TRIM2: variants seen among roughly 807,000 people sequenced by gnomAD.
TRIM2 encodes the protein tripartite motif-containing protein 2.
Under a neutral mutation model 75.2 loss-of-function variants are expected in TRIM2, and 20 were observed. The ratio of observed to expected loss-of-function variants is 0.27; its 90% CI spans 0.19 to 0.39. TRIM2 has a LOEUF of 0.39. Among genes scored for constraint, TRIM2 ranks in the 10% least tolerant of loss-of-function variants. The pLI is 1.00. For missense variants in TRIM2, 660 were observed against 990.8 expected, an observed-to-expected ratio of 0.67 and a Z score of 4.48; for synonymous variants, 373 against 388.3, an observed-to-expected ratio of 0.96 and a Z score of 0.46.
chr4:153,183,235 G>C (rs1052037998), intron 1 of TRIM2, among the ~76,000 whole-genome samples: 1 of 152,222 alleles, frequency 6.6e-6, no homozygotes, highest in African/African-American at 2.4e-5. Flanking sequence ...GCACTGGGCA[G>C]TGATGCATGG....
At chr4:153,303,239 G>A (rs1170057037) in intron 6 of TRIM2, among the ~76,000 whole-genome samples, 5 of 151,858 alleles carry the variant, frequency 3.3e-5, no homozygotes, top group Non-Finnish European at 5.9e-5. Flanking sequence ...TGTGGCGGGC[G>A]GACCACCTGA....
chr4:153,327,903 T>C lies in TRIM2; in HGVS notation c.2023-627T>C, dbSNP rs1036768939. 5.9e-5 allele frequency among the ~76,000 whole-genome samples: 9 copies of C among 152,314 alleles called. No homozygotes were observed. In the East Asian group the frequency reaches 9.6e-4, roughly 16 times the overall value. ...TATTCATCAAAGCCTTAGGATCATA[T>C]AAACTCTCGAACTAAAATATCTTCT... On this transcript the variant is annotated intron_variant, in intron 10 of 11. Transcript: ENST00000338700.
chr4:153,252,307 C>G (rs1179997216), intron 1 of TRIM2, among the ~76,000 whole-genome samples: 1 of 152,150 alleles, frequency 6.6e-6, no homozygotes, highest in African/African-American at 2.4e-5. Flanking sequence ...TGTTCCTGTT[C>G]TTGCACATCC....
chr4:153,296,663 C>T (rs903016490), intron 6 of TRIM2, among the ~76,000 whole-genome samples: 1 of 152,168 alleles, frequency 6.6e-6, no homozygotes, highest in Non-Finnish European at 1.5e-5. Context: ...AGAAGGTACC[C>T]GATGAGCCAA....
At position 153,240,533 on chromosome 4, in the gene TRIM2, G is replaced by T. The variant is rs138391324; in HGVS notation, c.31-29802G>T. 4.7e-3 allele frequency among the ~76,000 whole-genome samples: 718 copies of T among 152,256 alleles called. 4 individuals are homozygous for T. The highest frequency in any genetic ancestry group is 7.6e-3 in the Non-Finnish European group (517 of 68,016). ...TGAAAGGACTTAGTTTAGGGTAAAT[G>T]GTGTCTTTTCCTACACTGCTTCTAT... On this transcript the variant is annotated intron_variant, in intron 1 of 11. Coordinates refer to ENST00000338700, the MANE Select transcript of TRIM2 (RefSeq NM_015271.5).
chr4:153,337,828 G>C lies in TRIM2; in HGVS notation c.*2862G>C. ...AAAATTACTCATTCAAATTTCCCCT[G>C]GGCACGTAAGGCAAAATATTGCCGG... On this transcript the variant is annotated 3_prime_UTR_variant, in exon 12 of 12. Transcript: ENST00000338700. 1 of 985,722 alleles carries C rather than the reference G, an allele frequency of 1.0e-6. No homozygotes were observed. Among genetic ancestry groups the C allele is most frequent in the Non-Finnish European group, 1.2e-6 (1 of 829,920 alleles). 61.1% of individuals were successfully genotyped at this position (985,722 alleles called of 1,614,324 possible).
chr4:153,325,766 G>A (rs1175009923), intron 10 of TRIM2, among the ~76,000 whole-genome samples: 1 of 152,176 alleles, frequency 6.6e-6, no homozygotes, highest in Non-Finnish European at 1.5e-5. Flanking sequence ...TAATCAAGTG[G>A]CTCTTTTCTA....
Position 153,335,183 on chromosome 4 carries a change from A to G in TRIM2, c.*217A>G, listed in dbSNP as rs1772312474. The stretch of plus-strand genomic sequence containing the variant: ...TAAAAAAAACTCTTCTACTGAATCT[A>G]TAAAAACTGCAGTTTTACATCTGTG... On this transcript the variant is annotated 3_prime_UTR_variant, in exon 12 of 12. Coordinates refer to ENST00000338700, the MANE Select transcript of TRIM2 (RefSeq NM_015271.5). 3 of 1,240,256 alleles carry G rather than the reference A, an allele frequency of 2.4e-6. No homozygotes were observed. Among genetic ancestry groups the G allele is most frequent in the Non-Finnish European group, 3.0e-6 (3 of 989,476 alleles). 76.8% of individuals were successfully genotyped at this position (1,240,256 alleles called of 1,614,324 possible). A position where few individuals can be genotyped will look rare whatever the true frequency, so the allele number is the denominator to read the frequency against.
chr4:153,321,352 T>G (rs889476022), intron 8 of TRIM2, among the ~76,000 whole-genome samples: 2 of 152,124 alleles, frequency 1.3e-5, no homozygotes, highest in Non-Finnish European at 2.9e-5. Context: ...AGTGAATGAG[T>G]GAAGCACTTC....
intron 1 of TRIM2, among the ~76,000 whole-genome samples, chr4:153,167,874 T>C (rs36063023): frequency 0.43 from 65,971 of 152,082 alleles, 15,701 homozygotes; most frequent in Non-Finnish European, 0.55. Context: ...AAAGTGATCC[T>C]GAATCCCTCT....
rs571808957 is a variant in TRIM2 at position 153,186,675 on chromosome 4, C to T, written c.-49+33405C>T. 8.5e-5 allele frequency among the ~76,000 whole-genome samples: 13 copies of T among 152,304 alleles called. No individual in the cohort carries two copies. The South Asian group carries it at 1.0e-3, about 12-fold the overall frequency. On this transcript the variant is annotated intron_variant, in intron 1 of 11. Transcript: ENST00000437508. The stretch of plus-strand genomic sequence containing the variant: ...AGTCTTGTCCCCACTGCCAAGTCCC[C>T]GAAAGGGGAAGCCTTTCCCACGCCT...
At chr4:153,255,035 C>A (rs140229886) in intron 1 of TRIM2, among the ~76,000 whole-genome samples, 1 of 152,330 alleles carries the variant, frequency 6.6e-6, no homozygotes, top group Non-Finnish European at 1.5e-5. Context: ...CCGCACACCT[C>A]CCTGGCCCTG....
chr4:153,228,889 CACA>C (rs1216320799), intron 1 of TRIM2, among the ~76,000 whole-genome samples: 2 of 152,170 alleles, frequency 1.3e-5, no homozygotes, highest in Non-Finnish European at 2.9e-5. Context: ...CTTTTCCCCC[CACA>C]AATGGTGTCT....
intron 6 of TRIM2, chr4:153,307,975 G>A (rs1765397782): frequency 1.3e-6 from 1 of 757,896 alleles, no homozygotes; most frequent in African/African-American, 1.7e-5. Context: ...GGCTTGTTCT[G>A]AATACACTGG....
Position 153,315,863 on chromosome 4 carries a change from G to A in TRIM2, c.1646G>A (p.Arg549His), listed in dbSNP as rs1579646798. Residue 549 changes from arginine to histidine, a missense_variant, in exon 8 of 12, where the codon CGT becomes CAT. This residue lies in a region of TRIM2 where 620 missense variants were observed against 891.0 expected (regional missense o/e 0.70). Coordinates refer to ENST00000338700, the MANE Select transcript of TRIM2 (RefSeq NM_015271.5). ...IFSNDGQFKS[R>H]FGIRGRSPGQ... ...TCCAATGATGGCCAGTTCAAAAGTC[G>A]TTTTGGCATACGGGGACGCTCTCCG... 9 of 1,614,092 alleles carry A rather than the reference G, an allele frequency of 5.6e-6. No homozygotes were observed. The highest frequency in any genetic ancestry group is 1.1e-5 in the South Asian group (1 of 91,082).
chr4:153,308,136 A>C, intron 6 of TRIM2: 1 of 1,098,632 alleles, frequency 9.1e-7, no homozygotes, highest in Non-Finnish European at 1.4e-6. Flanking sequence ...CCACTTGGGA[A>C]CTTCAGTTCC....
chr4:153,167,778 T>G (rs1045212094), intron 1 of TRIM2, among the ~76,000 whole-genome samples: 1 of 152,152 alleles, frequency 6.6e-6, no homozygotes, highest in African/African-American at 2.4e-5. Context: ...CAGACTTAGG[T>G]CAAACCTTCA....
chr4:153,272,916 C>T (rs950431792), intron 2 of TRIM2, among the ~76,000 whole-genome samples: 3 of 151,974 alleles, frequency 2.0e-5, no homozygotes, highest in South Asian at 2.1e-4. Context: ...CTCGGCTCAC[C>T]GCAACTTCCG....
chr4:153,274,747 T>A (rs1172929131), intron 2 of TRIM2, among the ~76,000 whole-genome samples: 1 of 152,044 alleles, frequency 6.6e-6, no homozygotes, highest in Non-Finnish European at 1.5e-5. Context: ...GGAAGAGAAA[T>A]TTTTCAATAA....
Sources: gnomAD v4.1 joint callset for allele counts (sites outside exome capture counted in the v4.1 genomes callset) on GRCh38, gnomAD v4.1.1 for gene constraint, gnomAD v4.1.1 regional missense constraint, MANE v1.5 for transcripts, NCBI Gene and HGNC (gene_info 2026-07-23, HGNC 2026-07-21) for gene names.